Variants in NEGR1 observed in about 807,000 individuals in gnomAD.
NEGR1 encodes IgLON family member 4.
In NEGR1, 10 loss-of-function variants were observed where a neutral mutation model predicts 40.9. The observed-to-expected ratio is 0.24, with a 90% CI of 0.15 to 0.42. The LOEUF is 0.42. Ranked by LOEUF, NEGR1 falls within the 10% of genes least tolerant of loss-of-function variation. NEGR1 has a pLI of 1.00. For synonymous variants in NEGR1, 185 were observed against 166.8 expected, an observed-to-expected ratio of 1.11 and a Z score of -0.84; for missense variants, 352 against 438.9, an observed-to-expected ratio of 0.80 and a Z score of 1.77.
intron 4 of NEGR1, among the ~76,000 whole-genome samples, chr1:71,690,619 C>CACAGAGAG (rs1653238101): frequency 4.4e-5 from 3 of 67,648 alleles, no homozygotes; most frequent in African/African-American, 1.6e-4. Context: ...TAGAGGGAGA[C>CACAGAGAG]AGAGAGAGAG....
At chr1:71,799,822 C>T (rs1657488934) in intron 2 of NEGR1, among the ~76,000 whole-genome samples, 1 of 152,094 alleles carries the variant, frequency 6.6e-6, no homozygotes, top group Non-Finnish European at 1.5e-5. Context: ...AAGCAATTCT[C>T]TTGCCTCAGC....
intron 4 of NEGR1, among the ~76,000 whole-genome samples, chr1:71,625,415 A>T (rs1033087988): frequency 1.3e-5 from 2 of 152,030 alleles, no homozygotes; most frequent in African/African-American, 2.4e-5. Context: ...TAAAGCTACA[A>T]CTAAAAACAA....
chr1:71,831,004 T>G (rs1286146669), intron 2 of NEGR1, among the ~76,000 whole-genome samples: 1 of 151,958 alleles, frequency 6.6e-6, no homozygotes, highest in Non-Finnish European at 1.5e-5. Context: ...ACTGTTAGAT[T>G]AGAAAACGTT....
At chr1:72,201,252 A>T (rs1557575796) in intron 1 of NEGR1, among the ~76,000 whole-genome samples, 1 of 151,470 alleles carries the variant, frequency 6.6e-6, no homozygotes, top group Non-Finnish European at 1.5e-5. Flanking sequence ...AAAGTATATT[A>T]ATTCATCCAA....
chr1:71,948,496 T>TGTGTGA (rs1368411356), intron 1 of NEGR1, among the ~76,000 whole-genome samples: 17,525 of 148,302 alleles, frequency 0.12, 1,033 homozygotes, highest in South Asian at 0.17. Flanking sequence ...TGTGTGTGTG[T>TGTGTGA]GAGAGAGAGA....
At chr1:72,050,190 AATG>A (rs1379330920) in intron 1 of NEGR1, among the ~76,000 whole-genome samples, 2 of 151,696 alleles carry the variant, frequency 1.3e-5, no homozygotes, top group Admixed American at 6.6e-5. Flanking sequence ...AGTTAAATTT[AATG>A]ATGATTAATG....
At chr1:72,095,574 C>T (rs1317416616) in intron 1 of NEGR1, among the ~76,000 whole-genome samples, 3 of 152,030 alleles carry the variant, frequency 2.0e-5, no homozygotes, top group Non-Finnish European at 4.4e-5. Context: ...ATTTTAAATG[C>T]CAAGTTTCCC....
chr1:71,866,981 T>A (rs1449418616), intron 2 of NEGR1, among the ~76,000 whole-genome samples: 1 of 152,184 alleles, frequency 6.6e-6, no homozygotes, highest in East Asian at 1.9e-4. Flanking sequence ...TAGAAGAAAG[T>A]CATTTGTGAG....
At chr1:71,426,408 T>TAAAG (rs761162728) in intron 6 of NEGR1, among the ~76,000 whole-genome samples, 1 of 152,144 alleles carries the variant, frequency 6.6e-6, no homozygotes, top group Non-Finnish European at 1.5e-5. Flanking sequence ...AAAAAGGCAG[T>TAAAG]CTCCTTTAGA....
intron 6 of NEGR1, among the ~76,000 whole-genome samples, chr1:71,429,058 G>C (rs1307450580): frequency 6.6e-6 from 1 of 152,080 alleles, no homozygotes; most frequent in African/African-American, 2.4e-5. Context: ...ACCCTGGTAT[G>C]ATAAATACAT....
intron 1 of NEGR1, among the ~76,000 whole-genome samples, chr1:72,195,761 C>T (rs1437260696): frequency 6.6e-6 from 1 of 151,882 alleles, no homozygotes; most frequent in East Asian, 1.9e-4. Context: ...TGATTGATAC[C>T]TTTTATATAC....
chr1:71,899,791 A>G (rs2101861891), intron 2 of NEGR1, among the ~76,000 whole-genome samples: 1 of 152,186 alleles, frequency 6.6e-6, no homozygotes, highest in East Asian at 1.9e-4. Context: ...TATATTCCAT[A>G]TTTGCCTTTA....
At chr1:72,219,166 G>A (rs1308822219) in intron 1 of NEGR1, among the ~76,000 whole-genome samples, 2 of 152,008 alleles carry the variant, frequency 1.3e-5, no homozygotes, top group Non-Finnish European at 1.5e-5. Context: ...GCAGTAGGTG[G>A]TTAACAACTT....
Position 71,402,194 on chromosome 1 carries a change from A to G in NEGR1, c.*5252T>C, listed in dbSNP as rs1433717550. 3 of 152,120 alleles carry G rather than the reference A, an allele frequency of 2.0e-5. No homozygotes were observed. The highest frequency in any genetic ancestry group is 2.9e-5 in the Non-Finnish European group (2 of 68,012). The allele number at this position is 152,120 out of a possible 1,614,324, so 9.4% of individuals were successfully genotyped here. A position where few individuals can be genotyped will look rare whatever the true frequency, so the allele number is the denominator to read the frequency against. On this transcript the variant is annotated 3_prime_UTR_variant, in exon 7 of 7. Transcript: ENST00000357731. ...TATAATCTTCAGCAAGTGACTCAAA[A>G]TTTCTGAATCTCGTTTTCACCATCA...
intron 5 of NEGR1, among the ~76,000 whole-genome samples, chr1:71,609,241 C>T (rs576162814): frequency 7.9e-5 from 12 of 151,876 alleles, no homozygotes; most frequent in East Asian, 3.9e-4. Context: ...TATGGCCGGG[C>T]GCGGTGGCTC....
intron 6 of NEGR1, among the ~76,000 whole-genome samples, chr1:71,432,426 T>G (rs1332763619): frequency 6.6e-6 from 1 of 152,084 alleles, no homozygotes; most frequent in Non-Finnish European, 1.5e-5. Flanking sequence ...ACTGAAGGAG[T>G]GCAGGAAATT....
At position 72,257,276 on chromosome 1, in the gene NEGR1, C is replaced by A. The variant is rs1037212444; in HGVS notation, c.176+25043G>T. Among the ~76,000 whole-genome samples the A allele has an allele frequency of 2.7e-5, 4 of 145,676 alleles. No homozygotes were observed. The South Asian group carries it at 8.8e-4, about 32-fold the overall frequency. On this transcript the variant is annotated intron_variant, in intron 1 of 6. Transcript: ENST00000357731. ...GGCGGAGCTTGCAGTGAGCCGAGAT[C>A]CCGCCACTGCACTCCAGCCTGGGCG...
At chr1:71,422,333 A>T (rs1646400254) in intron 6 of NEGR1, among the ~76,000 whole-genome samples, 1 of 152,220 alleles carries the variant, frequency 6.6e-6, no homozygotes, top group South Asian at 2.1e-4. Context: ...GTCTATTGTT[A>T]CAGAACTGGC....
At chr1:72,093,817 T>C (rs897195184) in intron 1 of NEGR1, among the ~76,000 whole-genome samples, 3 of 152,178 alleles carry the variant, frequency 2.0e-5, no homozygotes, top group Non-Finnish European at 2.9e-5. Flanking sequence ...CTTTTTGCAA[T>C]AGAAAAGGTT....
Sources: gnomAD v4.1 joint callset for allele counts (sites outside exome capture counted in the v4.1 genomes callset) on GRCh38, gnomAD v4.1.1 for gene constraint, MANE v1.5 for transcripts, NCBI Gene and HGNC (gene_info 2026-07-23, HGNC 2026-07-21) for gene names.